Variants in ASAH2 observed in about 807,000 individuals in gnomAD.
The protein encoded by ASAH2 is N-acylsphingosine amidohydrolase 2.
A neutral mutation model predicts 82.9 loss-of-function variants in ASAH2; 58 were observed. That is an observed-to-expected ratio of 0.70 (90% CI 0.57 to 0.87). The LOEUF (loss-of-function observed/expected upper bound fraction) is 0.87. Ranked by LOEUF, ASAH2 falls within the 40% of genes least tolerant of loss-of-function variation. The pLI, the probability that ASAH2 is intolerant of heterozygous loss-of-function variation, is 0.00. For missense variants in ASAH2, 779 were observed against 834.0 expected (o/e 0.93, Z 0.81); for synonymous variants, 276 against 289.7 (o/e 0.95, Z 0.48).
Position 50,206,111 on chromosome 10 carries a change from T to TA in ASAH2, c.1415-15dup, listed in dbSNP as rs1845288360. ...CTTCTGTTTTCCCTATTAGAAATGT[T>TA]ATAATTAGTATACTTCCTTGAACCA... On this transcript the variant is annotated splice_polypyrimidine_tract_variant and intron_variant, in intron 12 of 20. Coordinates refer to ENST00000682911, the MANE Select transcript of ASAH2 (RefSeq NM_019893.4). 1 of 1,550,790 alleles carries TA rather than the reference T, an allele frequency of 6.4e-7. No individual in the cohort carries two copies. The highest frequency in any genetic ancestry group is 1.4e-5 in the African/African-American group (1 of 73,622).
intron 10 of ASAH2, among the ~76,000 whole-genome samples, chr10:50,212,651 C>A (rs1489392061): frequency 6.6e-6 from 1 of 152,112 alleles, no homozygotes; most frequent in Non-Finnish European, 1.5e-5. Context: ...TATCTAATGC[C>A]ACAAGAAATT....
chr10:50,213,179 A>T, intron 9 of ASAH2, 121 bp from the exon 10 acceptor site: 1 of 920,518 alleles, frequency 1.1e-6, no homozygotes, highest in Non-Finnish European at 1.8e-6. Flanking sequence ...ATTTCTTTTC[A>T]GGTAGTCTCT....
chr10:50,243,534 A>G (rs1846365063), intron 3 of ASAH2, among the ~76,000 whole-genome samples, 183 bp from the exon 4 acceptor site: 1 of 152,250 alleles, frequency 6.6e-6, no homozygotes, highest in African/African-American at 2.4e-5. Flanking sequence ...AGAAAGCCAA[A>G]AAATATCATA....
chr10:50,243,548 G>C (rs1846365526), intron 3 of ASAH2, among the ~76,000 whole-genome samples, 197 bp from the exon 4 acceptor site: 1 of 152,200 alleles, frequency 6.6e-6, no homozygotes, highest in South Asian at 2.1e-4. Flanking sequence ...TATCATAAAA[G>C]AGGCTTGAAT....
chr10:50,245,812 A>T (rs1413373554), intron 2 of ASAH2, among the ~76,000 whole-genome samples: 3 of 151,766 alleles, frequency 2.0e-5, no homozygotes, highest in Non-Finnish European at 4.4e-5. Context: ...GGTTTCTTCC[A>T]TTTTTTCTAT....
At chr10:50,234,777 C>T (rs1476807104) in intron 5 of ASAH2, among the ~76,000 whole-genome samples, 1 of 152,038 alleles carries the variant, frequency 6.6e-6, no homozygotes, top group Admixed American at 6.6e-5. Flanking sequence ...TACGGAAGCA[C>T]AGTACTGATT....
chr10:50,215,634 C>T (rs1009479592), intron 8 of ASAH2, among the ~76,000 whole-genome samples: 1 of 151,978 alleles, frequency 6.6e-6, no homozygotes, highest in Non-Finnish European at 1.5e-5. Context: ...ATTTCTGAGG[C>T]CTCTGTTCTG....
At chr10:50,211,424 AG>A (rs1845451249) in intron 10 of ASAH2, among the ~76,000 whole-genome samples, 1 of 152,192 alleles carries the variant, frequency 6.6e-6, no homozygotes, top group Non-Finnish European at 1.5e-5. Context: ...CTCACTTGAA[AG>A]ATCACCAAGA....
chr10:50,207,448 A>G (rs2133204136), intron 12 of ASAH2, among the ~76,000 whole-genome samples: 1 of 152,000 alleles, frequency 6.6e-6, no homozygotes, highest in East Asian at 1.9e-4. Context: ...CAAGAAAAAC[A>G]GAGAGAAGAC....
chr10:50,200,976 T>C (rs1303455823), intron 16 of ASAH2, among the ~76,000 whole-genome samples: 5 of 151,782 alleles, frequency 3.3e-5, no homozygotes, highest in Non-Finnish European at 7.4e-5. Flanking sequence ...CCTGTACCCA[T>C]ATAAACCCCA....
rs1564835336 is a variant in ASAH2, at chr10:50,202,861, T to C, written c.1729A>G (p.Thr577Ala). The C allele has an allele frequency of 1.9e-6, 3 of 1,611,722 alleles. No homozygotes were observed. Among genetic ancestry groups the C allele is most frequent in the Non-Finnish European group, 2.5e-6 (3 of 1,178,210 alleles). The change falls in exon 16 of 21, where the codon ACA becomes GCA. Residue 577 changes from threonine (T) to alanine (A), a missense_variant. Thr to Ala is a moderately conservative substitution (Grantham distance 58). Around this residue, in one of 3 missense-constraint regions of ASAH2, gnomAD observed 759 missense variants for 755.2 expected, o/e 1.00. Coordinates refer to ENST00000682911, the MANE Select transcript of ASAH2 (RefSeq NM_019893.4). ...TCTTCATAAGTGGTAATGTAATGTG[T>C]ATAGACGTTGCATAGACCTGAAATA... Reference protein sequence around the residue: ...VVISGLCNVYTHYITTYEEYQ... With the variant: ...VVISGLCNVYAHYITTYEEYQ...
intron 7 of ASAH2, among the ~76,000 whole-genome samples, chr10:50,220,155 T>C (rs1845703948): frequency 6.6e-6 from 1 of 152,198 alleles, no homozygotes; most frequent in Non-Finnish European, 1.5e-5. Context: ...CTTTTTGATA[T>C]AATCAGGGAA....
chr10:50,202,359 C>T (rs1845172011), intron 16 of ASAH2, among the ~76,000 whole-genome samples: 1 of 152,036 alleles, frequency 6.6e-6, no homozygotes, highest in African/African-American at 2.4e-5. Context: ...CTCAAACTCT[C>T]TGGGACTCTG....
chr10:50,203,244 C>T (rs1296999663), intron 15 of ASAH2, among the ~76,000 whole-genome samples: 1 of 151,912 alleles, frequency 6.6e-6, no homozygotes, highest in East Asian at 1.9e-4. Context: ...TTTGACATGT[C>T]ATTTTAGAAC....
Position 50,218,592 on chromosome 10 carries a change from T to C in ASAH2, c.932A>G (p.Asn311Ser). Residue 311 changes from asparagine to serine, a missense_variant, in exon 8 of 21, where the codon AAC becomes AGC. By Grantham distance (46) the Asn-to-Ser change is conservative. Around this residue, in one of 3 missense-constraint regions of ASAH2, gnomAD observed 759 missense variants for 755.2 expected, o/e 1.00. Transcript: ENST00000682911. ...AIHPVSMNNSNHLVNSDNVGY... is the reference protein window; with the variant it reads ...AIHPVSMNNSSHLVNSDNVGY... ...CACATTGTCACTGTTTACAAGATGG[T>C]TACTGTTGTTCATGCTGACCGGGTG... 1 of 1,613,788 alleles carries C rather than the reference T, an allele frequency of 6.2e-7. No individual in the cohort carries two copies.
chr10:50,248,696 G>A (rs557619605), intron 1 of ASAH2, 50 bp from the exon 2 acceptor site: 25 of 1,394,620 alleles, frequency 1.8e-5, no homozygotes, highest in Middle Eastern at 3.7e-4. Flanking sequence ...TAAGCCAACC[G>A]AGGTTAAGAT....
chr10:50,207,552 CA>C (rs1845332994), intron 12 of ASAH2, among the ~76,000 whole-genome samples: 1 of 150,576 alleles, frequency 6.6e-6, no homozygotes, highest in Non-Finnish European at 1.5e-5. Flanking sequence ...TGTACGCTAA[CA>C]AATTAGATAA....
At chr10:50,240,160 G>A (rs893018758) in intron 4 of ASAH2, among the ~76,000 whole-genome samples, 2 of 152,022 alleles carry the variant, frequency 1.3e-5, no homozygotes, top group East Asian at 1.9e-4. Flanking sequence ...CCACCACCAC[G>A]TAGTCTCACT....
intron 4 of ASAH2, 144 bp downstream of exon 4, chr10:50,243,058 G>T: frequency 2.1e-6 from 2 of 959,192 alleles, no homozygotes; most frequent in Non-Finnish European, 3.1e-6. Flanking sequence ...AAGATTATCT[G>T]CTATATTGTC....
Sources: gnomAD v4.1 joint callset for allele counts (sites outside exome capture counted in the v4.1 genomes callset) on GRCh38, gnomAD v4.1.1 for gene constraint, gnomAD v4.1.1 regional missense constraint, MANE v1.5 for transcripts, NCBI Gene and HGNC (gene_info 2026-07-23, HGNC 2026-07-21) for gene names.